ZNF507: variants seen among roughly 807,000 people sequenced by gnomAD.
ZNF507 encodes the protein zinc finger protein 507.
Under a neutral mutation model 80.0 loss-of-function variants are expected in ZNF507, and 29 were observed. That is an observed-to-expected ratio of 0.36 (90% CI 0.27 to 0.49). The LOEUF is 0.49. Ranked by LOEUF, ZNF507 falls within the 20% of genes least tolerant of loss-of-function variation. ZNF507 has a pLI of 0.98. For synonymous variants in ZNF507, 462 were observed against 422.5 expected (o/e 1.09, Z -1.15); for missense variants, 1,081 against 1,152.2 (o/e 0.94, Z 0.90).
At chr19:32,352,247 A>G (rs1967179222) in intron 2 of ZNF507, among the ~76,000 whole-genome samples, 1 of 152,214 alleles carries the variant, frequency 6.6e-6, no homozygotes, top group South Asian at 2.1e-4. Context: ...CCCAAATTCA[A>G]TATGCCCTGT....
At chr19:32,367,867 A>G (rs1967419637) in intron 5 of ZNF507, among the ~76,000 whole-genome samples, 1 of 152,234 alleles carries the variant, frequency 6.6e-6, no homozygotes, top group Admixed American at 6.5e-5. Context: ...AGTATATTAG[A>G]AATGATGATA....
intron 5 of ZNF507, among the ~76,000 whole-genome samples, chr19:32,374,477 T>TC (rs1967519753): frequency 1.3e-5 from 2 of 150,986 alleles, no homozygotes; most frequent in African/African-American, 4.9e-5. Flanking sequence ...TTTCTTTCTT[T>TC]TTTTTTTTTT....
chr19:32,346,891 G>T (rs935111802), intron 1 of ZNF507, among the ~76,000 whole-genome samples: 1 of 152,118 alleles, frequency 6.6e-6, no homozygotes, highest in Non-Finnish European at 1.5e-5. Flanking sequence ...TGTATTTTTA[G>T]TTTAGATTAA....
At position 32,353,728 on chromosome 19, in the gene ZNF507, G is replaced by A; in HGVS notation, c.898G>A (p.Gly300Ser). 3.1e-6 allele frequency: 5 copies of A among 1,614,196 alleles called. No homozygotes were observed. Among genetic ancestry groups the A allele is most frequent in the Non-Finnish European group, 4.2e-6 (5 of 1,180,028 alleles). The part of the protein sequence containing the change: ...LLDSSAAAAP[G>S]GVDAVVIAIG... Reference sequence around the variant, plus strand: ...GGATTCTTCAGCAGCTGCTGCGCCTGGTGGGGTCGATGCAGTCGTCATTGC... The same window carrying A: ...GGATTCTTCAGCAGCTGCTGCGCCTAGTGGGGTCGATGCAGTCGTCATTGC... Residue 300 changes from glycine to serine, a missense_variant, in exon 3 of 7, where the codon GGT becomes AGT. Physicochemically the swap from Gly to Ser is moderately conservative, Grantham distance 56. Around this residue, in one of 6 missense-constraint regions of ZNF507, gnomAD observed 614 missense variants for 583.9 expected, o/e 1.05. Coordinates refer to ENST00000355898, the MANE Select transcript of ZNF507 (RefSeq NM_001136156.2).
chr19:32,363,396 T>G (rs1967355985), intron 5 of ZNF507, among the ~76,000 whole-genome samples: 1 of 152,200 alleles, frequency 6.6e-6, no homozygotes, highest in Admixed American at 6.5e-5. Context: ...TCTGTAGTGG[T>G]GAAACCTGTT....
At chr19:32,348,071 C>T (rs992387490) in intron 2 of ZNF507, among the ~76,000 whole-genome samples, 7 of 152,082 alleles carry the variant, frequency 4.6e-5, no homozygotes, top group African/African-American at 1.7e-4. Flanking sequence ...AATTCAGGGA[C>T]CTGAAAGTTC....
chr19:32,358,659 T>C (rs962894965), intron 4 of ZNF507: 6 of 152,224 alleles, frequency 3.9e-5, no homozygotes. Flanking sequence ...TGTTTTTTAT[T>C]GGAAACCTAT....
Position 32,387,449 on chromosome 19 carries a change from A to C in ZNF507, c.*4366A>C, listed in dbSNP as rs1967704094. The C allele has an allele frequency of 6.6e-6, 1 of 152,096 alleles. No individual in the cohort carries two copies. The highest frequency in any genetic ancestry group is 2.1e-4 in the South Asian group (1 of 4,826). 9.4% of individuals were successfully genotyped at this position (152,096 alleles called of 1,614,324 possible). A position where few individuals can be genotyped will look rare whatever the true frequency, so the allele number is the denominator to read the frequency against. On this transcript the variant is annotated 3_prime_UTR_variant, in exon 7 of 7. Transcript: ENST00000355898. Reference sequence around the variant, plus strand: ...ATAATCATATCCCCTGTCTTTGAAAAACCCAATCTGAAACTGTGTCACTAA... The same window carrying C: ...ATAATCATATCCCCTGTCTTTGAAACACCCAATCTGAAACTGTGTCACTAA...
Position 32,354,540 on chromosome 19 carries a change from T to A in ZNF507, c.1710T>A (p.Gly570=), listed in dbSNP as rs1568303582. 1.2e-6 allele frequency: 2 copies of A among 1,613,864 alleles called. No individual in the cohort carries two copies. The highest frequency in any genetic ancestry group is 1.1e-5 in the South Asian group (1 of 91,062). The change falls in exon 3 of 7, where the codon GGT becomes GGA. Residue 570 remains glycine (G), a synonymous_variant. Coordinates refer to ENST00000355898, the MANE Select transcript of ZNF507 (RefSeq NM_001136156.2). ...CCACCTTGGTAGCACTCCCAGAGGGTAGGCAGGAATTGTCAGATGGGCAGG... is the reference window on the plus strand; with the variant it reads ...CCACCTTGGTAGCACTCCCAGAGGGAAGGCAGGAATTGTCAGATGGGCAGG... The part of the protein sequence containing the change: ...SNSTLVALPE[G]RQELSDGQVK...
chr19:32,379,792 TG>T (rs1967600746), intron 5 of ZNF507, among the ~76,000 whole-genome samples: 1 of 103,012 alleles, frequency 9.7e-6, no homozygotes, highest in Admixed American at 1.0e-4. Context: ...TTTTGGTTGT[TG>T]TTTTTTTTTC....
chr19:32,364,884 A>G (rs1462724000), intron 5 of ZNF507, among the ~76,000 whole-genome samples: 1 of 152,100 alleles, frequency 6.6e-6, no homozygotes, highest in East Asian at 1.9e-4. Flanking sequence ...TCTTTAAGGA[A>G]TCTCTACACT....
At position 32,383,468 on chromosome 19, in the gene ZNF507, C is replaced by T. The variant is rs1277258887; in HGVS notation, c.*385C>T. Reference sequence around the variant, plus strand: ...GTCATAAAAGGGTCACAGTCTTAAGCAGAGCTTAGTTTTCTTCTCACTTGT... The same window carrying T: ...GTCATAAAAGGGTCACAGTCTTAAGTAGAGCTTAGTTTTCTTCTCACTTGT... On this transcript the variant is annotated 3_prime_UTR_variant, in exon 7 of 7. Coordinates refer to ENST00000355898, the MANE Select transcript of ZNF507 (RefSeq NM_001136156.2). 1 of 168,022 alleles carries T rather than the reference C, an allele frequency of 6.0e-6. No homozygotes were observed. The highest frequency in any genetic ancestry group is 2.4e-5 in the African/African-American group (1 of 41,628). 10.4% of individuals were successfully genotyped at this position (168,022 alleles called of 1,614,324 possible). A position where few individuals can be genotyped will look rare whatever the true frequency, so the allele number is the denominator to read the frequency against.
intron 5 of ZNF507, among the ~76,000 whole-genome samples, chr19:32,378,136 T>C (rs1179494011): frequency 1.3e-5 from 2 of 152,004 alleles, no homozygotes; most frequent in Non-Finnish European, 2.9e-5. Context: ...GGCGATCACC[T>C]GAGGTCAGGA....
At chr19:32,378,108 C>CT in intron 5 of ZNF507, among the ~76,000 whole-genome samples, 1 of 152,212 alleles carries the variant, frequency 6.6e-6, no homozygotes, top group East Asian at 1.9e-4. Flanking sequence ...AATCCCAGCA[C>CT]TTTGAGAGGG....
At chr19:32,360,441 G>A (rs1302796008) in intron 4 of ZNF507, 63 bp from the exon 5 acceptor site, 2 of 777,526 alleles carry the variant, frequency 2.6e-6, no homozygotes, top group East Asian at 5.9e-5. Context: ...ACAATGGAAT[G>A]TAAATGCTGT....
chr19:32,350,522 CCTCCTT>C (rs1322519105), intron 2 of ZNF507, among the ~76,000 whole-genome samples: 12 of 152,164 alleles, frequency 7.9e-5, no homozygotes, highest in Non-Finnish European at 1.5e-4. Context: ...AAGATGAACT[CCTCCTT>C]CTCTTCATTT....
At chr19:32,367,775 A>C (rs929392813) in intron 5 of ZNF507, among the ~76,000 whole-genome samples, 1 of 152,238 alleles carries the variant, frequency 6.6e-6, no homozygotes, top group African/African-American at 2.4e-5. Context: ...GGCTTTCAGC[A>C]GGGGGAATGA....
At chr19:32,351,419 CTG>C (rs5823) in intron 2 of ZNF507, among the ~76,000 whole-genome samples, 2,618 of 52,756 alleles carry the variant, frequency 0.05, 61 homozygotes, top group East Asian at 0.14. Flanking sequence ...AGCTGGTCAG[CTG>C]TGTGTGTGTG....
chr19:32,354,716 A>G lies in ZNF507; in HGVS notation c.1886A>G (p.Asn629Ser), dbSNP rs1159333747. The G allele has an allele frequency of 1.9e-6, 3 of 1,614,070 alleles. No individual in the cohort carries two copies. The highest frequency in any genetic ancestry group is 1.7e-5 in the Admixed American group (1 of 60,008). The change falls in exon 3 of 7, where the codon AAT becomes AGT. Residue 629 changes from asparagine (N) to serine (S), a missense_variant. Transcript: ENST00000355898. ...AGCGATACAAGTTTGTCCGGAAACAATGTGGTGGAATACATCCCGAATGCT... is the reference window on the plus strand; with the variant it reads ...AGCGATACAAGTTTGTCCGGAAACAGTGTGGTGGAATACATCCCGAATGCT... ...PNSDTSLSGNNVVEYIPNAER... is the reference protein window; with the variant it reads ...PNSDTSLSGNSVVEYIPNAER...
Sources: gnomAD v4.1 joint callset for allele counts (sites outside exome capture counted in the v4.1 genomes callset) on GRCh38, gnomAD v4.1.1 for gene constraint, gnomAD v4.1.1 regional missense constraint, MANE v1.5 for transcripts, NCBI Gene and HGNC (gene_info 2026-07-23, HGNC 2026-07-21) for gene names.